ARHGAP27: variants seen among roughly 807,000 people sequenced by gnomAD.
ARHGAP27 encodes rho GTPase-activating protein 27.
In ARHGAP27, 53 loss-of-function variants were observed where a neutral mutation model predicts 102.0. The ratio of observed to expected loss-of-function variants is 0.52; its 90% CI spans 0.42 to 0.65. The LOEUF is 0.65. Ranked by LOEUF, ARHGAP27 falls within the 30% of genes least tolerant of loss-of-function variation. The probability of loss-of-function intolerance (pLI) is 0.00; values close to 1 mark genes in which losing one functional copy is unlikely to be tolerated. For synonymous variants in ARHGAP27, 525 were observed against 542.8 expected, an observed-to-expected ratio of 0.97 and a Z score of 0.46; for missense variants, 1,117 against 1,256.2, an observed-to-expected ratio of 0.89 and a Z score of 1.68.
chr17:45,417,753 C>CAA (rs34796153), intron 4 of ARHGAP27, among the ~76,000 whole-genome samples: 19,807 of 121,270 alleles, frequency 0.16, 1,600 homozygotes, highest in Middle Eastern at 0.3. Context: ...GATTCTGTCT[C>CAA]AAAAAAAAAA....
At chr17:45,412,027 T>C (rs1361461400) in intron 4 of ARHGAP27, among the ~76,000 whole-genome samples, 1 of 152,010 alleles carries the variant, frequency 6.6e-6, no homozygotes, top group African/African-American at 2.4e-5. Flanking sequence ...GGACTCCCTA[T>C]GGCAGAGCCA....
At chr17:45,428,325 C>A (rs925784021) in intron 4 of ARHGAP27, among the ~76,000 whole-genome samples, 4 of 152,256 alleles carry the variant, frequency 2.6e-5, no homozygotes, top group African/African-American at 9.6e-5. Context: ...CTGGGTGGAC[C>A]CCCTGCTGCT....
intron 4 of ARHGAP27, among the ~76,000 whole-genome samples, chr17:45,425,008 CA>C (rs1268161617): frequency 1.2e-5 from 1 of 86,500 alleles, no homozygotes; most frequent in African/African-American, 4.7e-5. Flanking sequence ...GCAGGAGAGC[CA>C]GGGGGTGCGG....
At chr17:45,403,808 G>A in intron 10 of ARHGAP27, 99 bp from the exon 11 acceptor site, 1 of 1,129,728 alleles carries the variant, frequency 8.9e-7, no homozygotes, top group South Asian at 1.4e-5. Context: ...TAGGAACACA[G>A]GCTAGGGCAC....
chr17:45,412,219 G>T (rs971305322), intron 4 of ARHGAP27, among the ~76,000 whole-genome samples: 2 of 152,244 alleles, frequency 1.3e-5, no homozygotes, highest in African/African-American at 4.8e-5. Flanking sequence ...CTTGGCCACA[G>T]AAGTTGGCTC....
chr17:45,409,886 TCGCATC>T, intron 4 of ARHGAP27: 1 of 273,272 alleles, frequency 3.7e-6, no homozygotes, highest in Non-Finnish European at 6.9e-6. Flanking sequence ...GGCTCTTGGG[TCGCATC>T]CTAGAGACAA....
intron 4 of ARHGAP27, among the ~76,000 whole-genome samples, chr17:45,415,634 TG>T (rs1405595853): frequency 4.6e-5 from 7 of 152,356 alleles, no homozygotes; most frequent in African/African-American, 1.7e-4. Flanking sequence ...TGCCTCCTGC[TG>T]GCTTTGCCTC....
chr17:45,425,633 C>T (rs985956563), intron 4 of ARHGAP27: 6 of 985,380 alleles, frequency 6.1e-6, no homozygotes, highest in Non-Finnish European at 6.0e-6. Flanking sequence ...TGCTCATGTG[C>T]GGCGCCTCCG....
chr17:45,431,886 C>T (rs2050079393), intron 2 of ARHGAP27, 134 bp from the exon 3 acceptor site: 1 of 185,118 alleles, frequency 5.4e-6, no homozygotes, highest in South Asian at 6.9e-5. Flanking sequence ...TGGGACGAGG[C>T]CCAGAGCAGA....
rs1017088322 is a variant in ARHGAP27 at position 45,427,736 on chromosome 17, A to C, written c.657+1887T>G. Among the ~76,000 whole-genome samples the C allele has an allele frequency of 2.6e-5, 4 of 152,152 alleles. No homozygotes were observed. Among genetic ancestry groups the C allele is most frequent in the Non-Finnish European group, 4.4e-5 (3 of 68,012 alleles). Reference sequence around the variant, plus strand: ...ATGCAAAGCGACTTGTGGAGGTCACAAGTGGGGCCAGAGAGCTGCCTGTCT... The same window carrying C: ...ATGCAAAGCGACTTGTGGAGGTCACCAGTGGGGCCAGAGAGCTGCCTGTCT... On this transcript the variant is annotated intron_variant, in intron 4 of 19. Transcript: ENST00000685559. This position sits in a 1 kb window ranked among gnomAD's most constrained non-coding sequence, Gnocchi z 4.5.
rs1050467852 is a variant in ARHGAP27 at position 45,405,217 on chromosome 17, G to A, written c.1066-111C>T. The A allele has an allele frequency of 2.4e-6, 3 of 1,234,310 alleles. No individual in the cohort carries two copies. In the Admixed American group the frequency reaches 8.4e-5, roughly 35 times the overall value. The allele number at this position is 1,234,310 out of a possible 1,614,324, so 76.5% of individuals were successfully genotyped here. On this transcript the variant is annotated intron_variant, in intron 5 of 19. Coordinates refer to ENST00000685559, the MANE Select transcript of ARHGAP27 (RefSeq NM_001282290.2). Reference sequence around the variant, plus strand: ...TGCCTTCTGGTCCCTGAGGCTGTGGGAGCAGGAGGCGGGGTCAGAAGCGCT... The same window carrying A: ...TGCCTTCTGGTCCCTGAGGCTGTGGAAGCAGGAGGCGGGGTCAGAAGCGCT...
chr17:45,429,525 C>G, intron 4 of ARHGAP27, 98 bp downstream of exon 4: 1 of 1,534,360 alleles, frequency 6.5e-7, no homozygotes, highest in Non-Finnish European at 8.7e-7. Flanking sequence ...GCGTCGTGCC[C>G]GACGCTGAGC....
intron 4 of ARHGAP27, among the ~76,000 whole-genome samples, chr17:45,421,969 C>T (rs899637784): frequency 5.6e-4 from 85 of 152,208 alleles, no homozygotes; most frequent in African/African-American, 1.9e-3. Flanking sequence ...AGTTTGAGAC[C>T]AGCCTGACCA....
In ARHGAP27 at chr17:45,405,973, C is replaced by T; in HGVS notation, c.768G>A (p.Thr256=). ...PLPSPVWETH[T]DAGTGRPYYY... ...AGTAGGGGCGCCCGGTGCCCGCGTC[C>T]GTGTGCGTCTCCCACACCGGGCTGG... The change falls in exon 5 of 20, where the codon ACG becomes ACA. Residue 256 remains threonine (T), a synonymous_variant. Coordinates refer to ENST00000685559, the MANE Select transcript of ARHGAP27 (RefSeq NM_001282290.2). 1.3e-6 allele frequency: 2 copies of T among 1,535,892 alleles called. No homozygotes were observed. Among genetic ancestry groups the T allele is most frequent in the Non-Finnish European group, 1.7e-6 (2 of 1,146,792 alleles).
rs1451428867 is a variant in ARHGAP27, at chr17:45,414,837, G to A, written c.658-8754C>T. ...ACTTTGGAGGCTGAGCAGGTGGATC[G>A]CTTGAGGTCAGGAGTTCAAGACCAG... On this transcript the variant is annotated intron_variant, in intron 4 of 19. Coordinates refer to ENST00000685559, the MANE Select transcript of ARHGAP27 (RefSeq NM_001282290.2). 5.3e-3 allele frequency among the ~76,000 whole-genome samples: 393 copies of A among 74,518 alleles called. 4 individuals are homozygous for A. Among genetic ancestry groups the A allele is most frequent in the African/African-American group, 0.019 (364 of 19,156 alleles). The allele number at this position is 74,518 out of a possible 152,430, so 48.9% of individuals were successfully genotyped here. A position where few individuals can be genotyped will look rare whatever the true frequency, so the allele number is the denominator to read the frequency against.
At chr17:45,428,612 A>G (rs754888955) in intron 4 of ARHGAP27, among the ~76,000 whole-genome samples, 1 of 152,200 alleles carries the variant, frequency 6.6e-6, no homozygotes, top group Non-Finnish European at 1.5e-5. Flanking sequence ...CAGTCCTGGC[A>G]CATAGTGGGC....
chr17:45,432,013 C>T (rs1174538996), intron 2 of ARHGAP27, among the ~76,000 whole-genome samples: 4 of 141,342 alleles, frequency 2.8e-5, no homozygotes, highest in Admixed American at 6.9e-5. Flanking sequence ...TCCCCGCCCC[C>T]CCACCCCCCA....
intron 4 of ARHGAP27, among the ~76,000 whole-genome samples, chr17:45,429,107 G>A (rs1441061112): frequency 1.3e-5 from 2 of 152,258 alleles, no homozygotes; most frequent in Non-Finnish European, 2.9e-5. Context: ...CCAGACTCCT[G>A]GGAGACGGGC....
intron 4 of ARHGAP27, among the ~76,000 whole-genome samples, chr17:45,417,024 GCC>G (rs1490344476): frequency 1.3e-5 from 2 of 150,926 alleles, no homozygotes; most frequent in Admixed American, 1.3e-4. Flanking sequence ...GGGCATGGTG[GCC>G]CATGCTTGTA....
Sources: gnomAD v4.1 joint callset for allele counts (sites outside exome capture counted in the v4.1 genomes callset) on GRCh38, gnomAD v4.1.1 for gene constraint, Gnocchi (gnomAD v3.1) non-coding constraint, MANE v1.5 for transcripts, NCBI Gene and HGNC (gene_info 2026-07-23, HGNC 2026-07-21) for gene names.